Variants in ATXN1 observed in about 807,000 individuals in gnomAD.
The protein encoded by ATXN1 is ataxin-1.
Under a neutral mutation model 56.4 loss-of-function variants are expected in ATXN1, and 8 were observed. The observed-to-expected ratio is 0.14, with a 90% CI of 0.08 to 0.26. The LOEUF (loss-of-function observed/expected upper bound fraction) is 0.26. Among genes scored for constraint, ATXN1 ranks in the 10% least tolerant of loss-of-function variants. The pLI is 1.00. For missense variants in ATXN1, 987 were observed against 1,106.5 expected, an observed-to-expected ratio of 0.89 and a Z score of 1.53; for synonymous variants, 514 against 494.6, an observed-to-expected ratio of 1.04 and a Z score of -0.52.
chr6:16,428,263 C>T (rs1022392454), intron 6 of ATXN1, among the ~76,000 whole-genome samples: 7 of 151,936 alleles, frequency 4.6e-5, no homozygotes, highest in African/African-American at 9.7e-5. Flanking sequence ...GGATTACAGG[C>T]GCTCACCACC....
Position 16,300,937 on chromosome 6 carries a change from A to G in ATXN1, c.*5392T>C, listed in dbSNP as rs995434742. On this transcript the variant is annotated 3_prime_UTR_variant, in exon 8 of 8. Transcript: ENST00000436367. ...AGTTCCCCTCCCTCAGACGAGGGCT[A>G]TATGTAACAAAAATAACAATAAGCA... The G allele has an allele frequency of 6.6e-6, 1 of 152,654 alleles. No individual in the cohort carries two copies. The highest frequency in any genetic ancestry group is 2.4e-5 in the African/African-American group (1 of 41,456). The allele number at this position is 152,654 out of a possible 1,614,324, so 9.5% of individuals were successfully genotyped here.
At chr6:16,704,406 G>A (rs977567934) in intron 2 of ATXN1, among the ~76,000 whole-genome samples, 2 of 152,016 alleles carry the variant, frequency 1.3e-5, no homozygotes, top group African/African-American at 4.8e-5. Flanking sequence ...CCTGCGAGGC[G>A]CTCCCTCTAA....
chr6:16,310,140 C>T (rs1760356632), intron 7 of ATXN1, among the ~76,000 whole-genome samples: 1 of 150,724 alleles, frequency 6.6e-6, no homozygotes, highest in South Asian at 2.1e-4. Flanking sequence ...TCACAGTTTA[C>T]ATCTCAACAA....
At chr6:16,713,382 C>G (rs953328792) in intron 2 of ATXN1, among the ~76,000 whole-genome samples, 1 of 152,182 alleles carries the variant, frequency 6.6e-6, no homozygotes, top group Admixed American at 6.6e-5. Context: ...AGCCAAAGGA[C>G]GCCATTGGCC....
At chr6:16,757,246 T>TC (rs1760914008) in intron 1 of ATXN1, among the ~76,000 whole-genome samples, 1 of 152,238 alleles carries the variant, frequency 6.6e-6, no homozygotes, top group Non-Finnish European at 1.5e-5. Context: ...TACCAAACCC[T>TC]CTTAAAACGA....
At position 16,306,900 on chromosome 6, in the gene ATXN1, G is replaced by C; in HGVS notation, c.1918-41C>G. Reference sequence around the variant, plus strand: ...GAGACAGAGAGAGGAAGAAGGAAGGGAACAAATGAAAACATTTTATTCTTG... The same window carrying C: ...GAGACAGAGAGAGGAAGAAGGAAGGCAACAAATGAAAACATTTTATTCTTG... On this transcript the variant is annotated intron_variant, in intron 7 of 7. Coordinates refer to ENST00000436367, the MANE Select transcript of ATXN1 (RefSeq NM_001128164.2). The surrounding 1 kb of genome is among the most constrained non-coding windows in gnomAD (Gnocchi z 5.2). 6.5e-7 allele frequency: 1 copy of C among 1,540,304 alleles called. No individual in the cohort carries two copies. The highest frequency in any genetic ancestry group is 8.7e-7 in the Non-Finnish European group (1 of 1,147,656).
At chr6:16,341,088 C>T (rs1011659188) in intron 6 of ATXN1, among the ~76,000 whole-genome samples, 1 of 152,192 alleles carries the variant, frequency 6.6e-6, no homozygotes, top group Non-Finnish European at 1.5e-5. Flanking sequence ...TAGAAATCTA[C>T]CATAGAATAC....
intron 6 of ATXN1, among the ~76,000 whole-genome samples, chr6:16,428,593 G>A (rs575058843): frequency 2.0e-4 from 31 of 152,270 alleles, no homozygotes; most frequent in African/African-American, 7.0e-4. Flanking sequence ...TTTTGAGGTA[G>A]CTATCATTAT....
chr6:16,314,107 C>G (rs1238068122), intron 7 of ATXN1, among the ~76,000 whole-genome samples: 1 of 152,168 alleles, frequency 6.6e-6, no homozygotes, highest in African/African-American at 2.4e-5. Flanking sequence ...CTTGCCAGCC[C>G]AATGCTAGTT....
At chr6:16,622,114 G>C (rs759841750) in intron 3 of ATXN1, among the ~76,000 whole-genome samples, 5 of 152,234 alleles carry the variant, frequency 3.3e-5, no homozygotes, top group Non-Finnish European at 5.9e-5. Flanking sequence ...AGTGACAGAT[G>C]TAAGCATGGG....
chr6:16,730,485 A>ATG lies in ATXN1; in HGVS notation c.-615+22746_-615+22747dup, dbSNP rs5874576. ...TTCTGGAGTTAAAGGGTAAAACAGT[A>ATG]TGTATATATATATATATATATAAAT... On this transcript the variant is annotated intron_variant, in intron 2 of 7. Coordinates refer to ENST00000436367, the MANE Select transcript of ATXN1 (RefSeq NM_001128164.2). 1.5e-3 allele frequency among the ~76,000 whole-genome samples: 176 copies of ATG among 118,108 alleles called. 6 individuals are homozygous for ATG. Among genetic ancestry groups the ATG allele is most frequent in the Admixed American group, 2.1e-3 (23 of 11,210 alleles). 77.5% of individuals were successfully genotyped at this position (118,108 alleles called of 152,430 possible).
chr6:16,593,838 T>C (rs1357689283), intron 3 of ATXN1, among the ~76,000 whole-genome samples: 3 of 108,016 alleles, frequency 2.8e-5, no homozygotes, highest in Non-Finnish European at 5.6e-5. Flanking sequence ...TGTATGTATG[T>C]ACGTGTATAT....
chr6:16,525,880 T>C (rs1476596584), intron 4 of ATXN1, among the ~76,000 whole-genome samples: 1 of 151,348 alleles, frequency 6.6e-6, no homozygotes, highest in Non-Finnish European at 1.5e-5. Context: ...AAAATAAAAC[T>C]GTTCACTGTA....
intron 4 of ATXN1, among the ~76,000 whole-genome samples, chr6:16,533,858 T>A (rs747506334): frequency 6.6e-6 from 1 of 152,194 alleles, no homozygotes; most frequent in African/African-American, 2.4e-5. Context: ...GGTGACTTCA[T>A]GGAAACTGTC....
At chr6:16,548,252 C>T (rs1046855905) in intron 4 of ATXN1, among the ~76,000 whole-genome samples, 6 of 152,142 alleles carry the variant, frequency 3.9e-5, no homozygotes, top group Admixed American at 1.3e-4. Context: ...ATATGGTACA[C>T]CTGTATAGGG....
intron 2 of ATXN1, 115 bp downstream of exon 2, chr6:16,753,118 G>A: frequency 2.6e-6 from 1 of 385,304 alleles, no homozygotes. Context: ...AACAGAGTTT[G>A]CAAAGAAAAT....
chr6:16,600,108 T>C (rs748656767), intron 3 of ATXN1, among the ~76,000 whole-genome samples: 2 of 152,206 alleles, frequency 1.3e-5, no homozygotes, highest in Non-Finnish European at 2.9e-5. Context: ...AATCTTGGGG[T>C]CATCCATTGT....
chr6:16,370,678 C>T lies in ATXN1; in HGVS notation c.-160-42208G>A, dbSNP rs977812302. Among the ~76,000 whole-genome samples the T allele has an allele frequency of 2.0e-5, 3 of 152,118 alleles. No homozygotes were observed. In the East Asian group the frequency reaches 5.8e-4, roughly 29 times the overall value. ...ATATATATAATTTTCTTTTTTAAAG[C>T]TCACATATATCTATGCATGTTTACA... On this transcript the variant is annotated intron_variant, in intron 6 of 7. Coordinates refer to ENST00000436367, the MANE Select transcript of ATXN1 (RefSeq NM_001128164.2).
intron 6 of ATXN1, among the ~76,000 whole-genome samples, chr6:16,396,235 T>C (rs1407272039): frequency 2.6e-5 from 4 of 151,832 alleles, no homozygotes; most frequent in Non-Finnish European, 5.9e-5. Flanking sequence ...TATGTGTTTG[T>C]GTCTTAGTTT....
Sources: gnomAD v4.1 joint callset for allele counts (sites outside exome capture counted in the v4.1 genomes callset) on GRCh38, gnomAD v4.1.1 for gene constraint, Gnocchi (gnomAD v3.1) non-coding constraint, MANE v1.5 for transcripts, NCBI Gene and HGNC (gene_info 2026-07-23, HGNC 2026-07-21) for gene names.